The following RNGTT variants were observed in gnomAD, a reference collection of about 807,000 sequenced individuals.
The protein encoded by RNGTT is RNA guanylyltransferase and 5'-phosphatase, also known as mRNA-capping enzyme.
Under a neutral mutation model 79.3 loss-of-function variants are expected in RNGTT, and 33 were observed. The observed-to-expected ratio is 0.42, with a 90% confidence interval of 0.32 to 0.56. The LOEUF (loss-of-function observed/expected upper bound fraction) is 0.56, where lower values mean the gene tolerates loss of function less well. Ranked by LOEUF, RNGTT falls within the 20% of genes least tolerant of loss-of-function variation. RNGTT has a pLI of 0.17. For synonymous variants in RNGTT, 222 were observed against 235.9 expected (o/e 0.94, Z 0.54); for missense variants, 497 against 739.1 (o/e 0.67, Z 3.80).
chr6:88,792,995 A>T, intron 12 of RNGTT, among the ~76,000 whole-genome samples: 1 of 152,206 alleles, frequency 6.6e-6, no homozygotes, highest in East Asian at 1.9e-4. Flanking sequence ...TAGGAATGTA[A>T]AATAACCACT....
intron 14 of RNGTT, among the ~76,000 whole-genome samples, chr6:88,630,084 G>C (rs1311343426): frequency 6.6e-6 from 1 of 152,176 alleles, no homozygotes; most frequent in Non-Finnish European, 1.5e-5. Context: ...CACTGTGGTA[G>C]ACTGTTGGGC....
intron 4 of RNGTT, among the ~76,000 whole-genome samples, chr6:88,919,853 G>A (rs990279897): frequency 6.6e-6 from 1 of 151,694 alleles, no homozygotes; most frequent in Non-Finnish European, 1.5e-5. Context: ...ACCACGCCTG[G>A]CTAATTTTGT....
At chr6:88,873,063 G>A (rs1204710666) in intron 8 of RNGTT, among the ~76,000 whole-genome samples, 1 of 152,010 alleles carries the variant, frequency 6.6e-6, no homozygotes, top group Non-Finnish European at 1.5e-5. Flanking sequence ...AAACAGGGTG[G>A]GAGGGTGAAC....
At chr6:88,949,240 A>C (rs1785160997) in intron 1 of RNGTT, among the ~76,000 whole-genome samples, 1 of 148,478 alleles carries the variant, frequency 6.7e-6, no homozygotes. Context: ...CAAATGATAA[A>C]AAAGCAAAAT....
At chr6:88,885,880 T>C (rs1229017564) in intron 8 of RNGTT, among the ~76,000 whole-genome samples, 1 of 152,230 alleles carries the variant, frequency 6.6e-6, no homozygotes. Context: ...ATATTACTAC[T>C]GTGATGTTCT....
chr6:88,760,493 T>C (rs907484666), intron 13 of RNGTT, among the ~76,000 whole-genome samples: 1 of 152,114 alleles, frequency 6.6e-6, no homozygotes, highest in Non-Finnish European at 1.5e-5. Flanking sequence ...TATTTTCAAA[T>C]AAGAAAGCAG....
intron 13 of RNGTT, among the ~76,000 whole-genome samples, chr6:88,721,725 A>G (rs1379042069): frequency 1.3e-5 from 2 of 152,030 alleles, no homozygotes; most frequent in Non-Finnish European, 2.9e-5. Flanking sequence ...GCCACCTACA[A>G]TCTTCAAATT....
At chr6:88,767,759 T>G (rs1422361044) in intron 13 of RNGTT, among the ~76,000 whole-genome samples, 1 of 150,358 alleles carries the variant, frequency 6.7e-6, no homozygotes, top group Non-Finnish European at 1.5e-5. Flanking sequence ...AATAGTGAGA[T>G]GGTCTTCTGT....
At chr6:88,657,230 C>T (rs1774013352) in intron 14 of RNGTT, among the ~76,000 whole-genome samples, 1 of 152,178 alleles carries the variant, frequency 6.6e-6, no homozygotes, top group African/African-American at 2.4e-5. Context: ...AAGTCTGCTT[C>T]TGAACATATA....
intron 14 of RNGTT, among the ~76,000 whole-genome samples, chr6:88,622,840 GGACTGGT>G (rs1772487797): frequency 6.6e-6 from 1 of 152,044 alleles, no homozygotes; most frequent in Non-Finnish European, 1.5e-5. Flanking sequence ...AAGGTGTTGT[GGACTGGT>G]GACATAATGG....
chr6:88,614,427 A>G, intron 14 of RNGTT, 32 bp from the exon 15 acceptor site: 1 of 1,607,106 alleles, frequency 6.2e-7, no homozygotes, highest in South Asian at 1.1e-5. Flanking sequence ...GAAAATATTT[A>G]AATAACTTGA....
intron 8 of RNGTT, among the ~76,000 whole-genome samples, chr6:88,872,681 T>C (rs892427523): frequency 6.6e-6 from 1 of 152,118 alleles, no homozygotes; most frequent in African/African-American, 2.4e-5. Flanking sequence ...TTTAGGGTAA[T>C]TTATTAGAAA....
At chr6:88,906,306 A>T (rs2127943377) in intron 5 of RNGTT, 59 bp downstream of exon 5, 1 of 1,143,606 alleles carries the variant, frequency 8.7e-7, no homozygotes. Context: ...CTGCAACTAA[A>T]ATATCAATAA....
At chr6:88,689,689 AAT>A (rs1474689274) in intron 13 of RNGTT, among the ~76,000 whole-genome samples, 6 of 151,154 alleles carry the variant, frequency 4.0e-5, no homozygotes, top group African/African-American at 1.2e-4. Flanking sequence ...ATGAAAAAAT[AAT>A]GAGAAAAATT....
At chr6:88,960,746 C>T (rs1785589836) in intron 1 of RNGTT, among the ~76,000 whole-genome samples, 1 of 152,218 alleles carries the variant, frequency 6.6e-6, no homozygotes, top group African/African-American at 2.4e-5. Flanking sequence ...CATTGCAAGT[C>T]TGGTTTCATC....
intron 6 of RNGTT, among the ~76,000 whole-genome samples, chr6:88,903,699 C>A (rs1420442364): frequency 6.6e-6 from 1 of 152,156 alleles, no homozygotes; most frequent in Non-Finnish European, 1.5e-5. Context: ...GCATTTACTT[C>A]CTTGCCTGTG....
At chr6:88,780,886 T>C (rs1779040458) in intron 12 of RNGTT, among the ~76,000 whole-genome samples, 1 of 152,190 alleles carries the variant, frequency 6.6e-6, no homozygotes, top group South Asian at 2.1e-4. Flanking sequence ...ATTTGTGGTG[T>C]AAAGCACTGG....
intron 13 of RNGTT, among the ~76,000 whole-genome samples, chr6:88,692,450 C>T (rs1488316920): frequency 6.7e-6 from 1 of 148,700 alleles, no homozygotes; most frequent in East Asian, 2.0e-4. Context: ...AAATAATACT[C>T]AGCAAAAAAA....
chr6:88,921,678 C>T (rs115264133), intron 4 of RNGTT, among the ~76,000 whole-genome samples: 45 of 152,130 alleles, frequency 3.0e-4, no homozygotes, highest in African/African-American at 1.1e-3. Flanking sequence ...TCCATCATCC[C>T]TCTTTGGTAA....
Sources: gnomAD v4.1 joint callset for allele counts (sites outside exome capture counted in the v4.1 genomes callset) on GRCh38, gnomAD v4.1.1 for gene constraint, MANE v1.5 for transcripts, NCBI Gene and HGNC (gene_info 2026-07-23, HGNC 2026-07-21) for gene names.